The following ZNF423 variants were observed in gnomAD, a reference collection of about 807,000 sequenced individuals.
ZNF423 encodes the protein Ebf-associated zinc finger protein.
In ZNF423, 12 loss-of-function variants were observed where a neutral mutation model predicts 95.8. The observed-to-expected ratio is 0.13, with a 90% CI of 0.08 to 0.20. The LOEUF is 0.20. ZNF423 is among the 10% of genes least tolerant of loss of function. The pLI is 1.00. For missense variants in ZNF423, 1,316 were observed against 1,737.1 expected (o/e 0.76, Z 4.31); for synonymous variants, 749 against 711.9 (o/e 1.05, Z -0.83).
chr16:49,554,897 C>A (rs1412682097), intron 5 of ZNF423, among the ~76,000 whole-genome samples: 4 of 151,938 alleles, frequency 2.6e-5, no homozygotes, highest in Non-Finnish European at 5.9e-5. Flanking sequence ...ACAGCTGGTG[C>A]TCGACACATG....
At chr16:49,619,919 C>A (rs1474789308) in intron 5 of ZNF423, among the ~76,000 whole-genome samples, 2 of 152,102 alleles carry the variant, frequency 1.3e-5, no homozygotes, top group African/African-American at 4.8e-5. Flanking sequence ...GACTTCCACT[C>A]CAGACTGTCC....
chr16:49,644,346 C>T (rs1056171599), intron 3 of ZNF423, among the ~76,000 whole-genome samples: 1 of 152,004 alleles, frequency 6.6e-6, no homozygotes, highest in African/African-American at 2.4e-5. Flanking sequence ...TGGGCAGTTC[C>T]ATCTGTGTGA....
At chr16:49,615,598 G>A (rs1416293977) in intron 5 of ZNF423, among the ~76,000 whole-genome samples, 2 of 152,158 alleles carry the variant, frequency 1.3e-5, no homozygotes, top group Non-Finnish European at 2.9e-5. Context: ...GAGGCCTGAA[G>A]TCCCCCAGCT....
At chr16:49,721,651 G>A (rs574693160) in intron 3 of ZNF423, among the ~76,000 whole-genome samples, 8 of 152,064 alleles carry the variant, frequency 5.3e-5, no homozygotes, top group Non-Finnish European at 1.0e-4. Flanking sequence ...CGTGCCAGGC[G>A]CCACACTGGA....
In ZNF423 at chr16:49,853,588, C is replaced by G. The variant is rs187694116; in HGVS notation, c.40+2147G>C. 3.3e-3 allele frequency: 3,195 copies of G among 971,186 alleles called. 9 individuals are homozygous for G. Among genetic ancestry groups the G allele is most frequent in the Middle Eastern group, 4.2e-3 (8 of 1,894 alleles). The allele number at this position is 971,186 out of a possible 1,614,324, so 60.2% of individuals were successfully genotyped here. On this transcript the variant is annotated intron_variant, in intron 1 of 7. Coordinates refer to ENST00000563137, the MANE Select transcript of ZNF423 (RefSeq NM_001379286.1). ...CGAGTCTCGAAATGCCTCCACTGGT[C>G]TCCTGTTCACCTTGCTGCCTTTCTC... is the stretch of plus-strand genomic sequence containing the variant.
At chr16:49,788,113 T>G (rs1020951385) in intron 2 of ZNF423, among the ~76,000 whole-genome samples, 1 of 152,130 alleles carries the variant, frequency 6.6e-6, no homozygotes, top group African/African-American at 2.4e-5. Context: ...TCCCTAGAAT[T>G]TGAGCACCAC....
intron 3 of ZNF423, among the ~76,000 whole-genome samples, chr16:49,694,580 C>A (rs1319725918): frequency 2.0e-5 from 3 of 152,188 alleles, no homozygotes; most frequent in Non-Finnish European, 4.4e-5. Flanking sequence ...TCAGGGGATA[C>A]CTTTTCTTTC....
In ZNF423 at chr16:49,508,513, TAAAAA is replaced by T. The variant is rs35061120; in HGVS notation, c.3849+15106_3849+15110del. Among the ~76,000 whole-genome samples the T allele has an allele frequency of 3.8e-3, 392 of 101,858 alleles. 3 individuals are homozygous for T. Among genetic ancestry groups the T allele is most frequent in the African/African-American group, 0.014 (355 of 26,132 alleles). The allele number at this position is 101,858 out of a possible 152,430, so 66.8% of individuals were successfully genotyped here. On this transcript the variant is annotated intron_variant, in intron 7 of 7. Transcript: ENST00000563137. ...GCAGCCTGAGCAAGATTCTCTTTCTTAAAAAAAAAAAAAAAAAAAAAAAAGTGAAA... is the reference window on the plus strand; with the variant it reads ...GCAGCCTGAGCAAGATTCTCTTTCTTAAAAAAAAAAAAAAAAAAAGTGAAA...
intron 5 of ZNF423, among the ~76,000 whole-genome samples, chr16:49,539,839 G>A (rs184877501): frequency 4.2e-4 from 64 of 152,266 alleles, no homozygotes; most frequent in Admixed American, 1.0e-3. Context: ...CCCCAGAGTG[G>A]GGAAGCAGAG....
chr16:49,519,791 T>C (rs1968314367), intron 7 of ZNF423, among the ~76,000 whole-genome samples: 1 of 152,180 alleles, frequency 6.6e-6, no homozygotes, highest in Admixed American at 6.5e-5. Flanking sequence ...GGAGATAAAA[T>C]CCAAAGTCCT....
At chr16:49,709,427 C>T (rs929836953) in intron 3 of ZNF423, among the ~76,000 whole-genome samples, 1 of 151,850 alleles carries the variant, frequency 6.6e-6, no homozygotes, top group South Asian at 2.1e-4. Context: ...ATGGAAGACA[C>T]GTTTATCAGG....
At chr16:49,820,413 T>C (rs1025383956) in intron 1 of ZNF423, among the ~76,000 whole-genome samples, 3 of 152,212 alleles carry the variant, frequency 2.0e-5, no homozygotes, top group Non-Finnish European at 4.4e-5. Flanking sequence ...CTATTTTCAG[T>C]TCTTGGATAC....
In ZNF423 at chr16:49,842,228, AGAAGG is replaced by A. The variant is rs1248336637; in HGVS notation, c.40+13502_40+13506del. On this transcript the variant is annotated intron_variant, in intron 1 of 7. Transcript: ENST00000563137. ...ACTCCAGCCTGTGCGACAGAGGAAG[AGAAGG>A]GAAGGGAAGGGAGGGGAAAGGAGGG... Among the ~76,000 whole-genome samples the A allele has an allele frequency of 3.9e-3, 469 of 120,446 alleles. 4 individuals carry two copies. The highest frequency in any genetic ancestry group is 0.014 in the African/African-American group (441 of 30,856). The allele number at this position is 120,446 out of a possible 152,430, so 79.0% of individuals were successfully genotyped here. A position where few individuals can be genotyped will look rare whatever the true frequency, so the allele number is the denominator to read the frequency against.
chr16:49,597,926 A>G (rs922619059), intron 5 of ZNF423, among the ~76,000 whole-genome samples: 14 of 152,326 alleles, frequency 9.2e-5, no homozygotes, highest in African/African-American at 3.4e-4. Context: ...TGGTAATCAC[A>G]GCTACCTTCC....
chr16:49,547,589 G>C (rs1252013680), intron 5 of ZNF423, among the ~76,000 whole-genome samples: 1 of 152,246 alleles, frequency 6.6e-6, no homozygotes, highest in Admixed American at 6.5e-5. Flanking sequence ...CCCTGGGTCA[G>C]CTCCACAGTG....
At chr16:49,497,353 G>A (rs1315524840) in intron 7 of ZNF423, among the ~76,000 whole-genome samples, 1 of 152,238 alleles carries the variant, frequency 6.6e-6, no homozygotes, top group Non-Finnish European at 1.5e-5. Flanking sequence ...CCTCCCGTGA[G>A]GAGCTCACAA....
intron 5 of ZNF423, among the ~76,000 whole-genome samples, chr16:49,585,288 G>A (rs1019664431): frequency 3.3e-5 from 5 of 152,118 alleles, no homozygotes; most frequent in East Asian, 1.9e-4. Flanking sequence ...GTGAGAAAGC[G>A]CTCAGGAGGC....
rs112158957 is a variant in ZNF423 at position 49,844,777 on chromosome 16, C to G, written c.40+10958G>C. On this transcript the variant is annotated intron_variant, in intron 1 of 7. Coordinates refer to ENST00000563137, the MANE Select transcript of ZNF423 (RefSeq NM_001379286.1). ...TATTGGCGAGGCCCTGTGGCTCACGCCTGTAATCCCAGCACTCTGGGAGGC... is the reference window on the plus strand; with the variant it reads ...TATTGGCGAGGCCCTGTGGCTCACGGCTGTAATCCCAGCACTCTGGGAGGC... 1.2e-3 allele frequency among the ~76,000 whole-genome samples: 190 copies of G among 152,258 alleles called. 1 individual carries two copies. Among genetic ancestry groups the G allele is most frequent in the African/African-American group, 4.2e-3 (174 of 41,552 alleles).
intron 5 of ZNF423, among the ~76,000 whole-genome samples, chr16:49,585,960 C>A (rs1351228654): frequency 1.3e-5 from 2 of 152,146 alleles, no homozygotes; most frequent in Admixed American, 6.6e-5. Context: ...ACCGTGACGT[C>A]TGAAATATAC....
Sources: gnomAD v4.1 joint callset for allele counts (sites outside exome capture counted in the v4.1 genomes callset) on GRCh38, gnomAD v4.1.1 for gene constraint, MANE v1.5 for transcripts, NCBI Gene and HGNC (gene_info 2026-07-23, HGNC 2026-07-21) for gene names.